The following CACNA1I variants were observed in gnomAD, a reference collection of about 807,000 sequenced individuals.
CACNA1I encodes calcium voltage-gated channel subunit alpha1 I, also known as voltage-dependent T-type calcium channel subunit alpha-1I.
A neutral mutation model predicts 201.6 loss-of-function variants in CACNA1I; 74 were observed. The ratio of observed to expected loss-of-function variants is 0.37; its 90% CI spans 0.30 to 0.45. The LOEUF (loss-of-function observed/expected upper bound fraction) is 0.45, where lower values mean the gene tolerates loss of function less well. CACNA1I is among the 20% of genes least tolerant of loss of function. The pLI is 1.00. For synonymous variants in CACNA1I, 1,431 were observed against 1,345.2 expected (o/e 1.06, Z -1.40); for missense variants, 2,346 against 3,138.1 (o/e 0.75, Z 6.03).
chr22:39,678,783 AG>A (rs1185725531), intron 31 of CACNA1I, among the ~76,000 whole-genome samples: 1 of 152,158 alleles, frequency 6.6e-6, no homozygotes, highest in Non-Finnish European at 1.5e-5. Flanking sequence ...CCTACTCCCC[AG>A]GGGCCCCTGA....
chr22:39,647,365 G>A (rs1934522803), intron 8 of CACNA1I, among the ~76,000 whole-genome samples: 1 of 152,202 alleles, frequency 6.6e-6, no homozygotes, highest in Admixed American at 6.5e-5. Context: ...GTGGCATGTT[G>A]GGGACTCATG....
At chr22:39,663,891 C>A in intron 19 of CACNA1I, 50 bp downstream of exon 19, 1 of 1,608,136 alleles carries the variant, frequency 6.2e-7, no homozygotes, top group South Asian at 1.1e-5. Flanking sequence ...CAAGGGACAG[C>A]TCGCCAGGGC....
chr22:39,644,088 G>C (rs1004424223), intron 7 of CACNA1I, among the ~76,000 whole-genome samples: 3 of 152,208 alleles, frequency 2.0e-5, no homozygotes, highest in African/African-American at 7.2e-5. Context: ...TGCCAGAATT[G>C]AGCCTTAAAG....
chr22:39,587,991 G>A (rs12170124), intron 1 of CACNA1I, among the ~76,000 whole-genome samples: 3,056 of 152,204 alleles, frequency 0.02, 101 homozygotes, highest in African/African-American at 0.068. Context: ...GGCCAGGCTG[G>A]TCTTGAATTC....
At position 39,682,529 on chromosome 22, in the gene CACNA1I, G is replaced by A; in HGVS notation, c.5698G>A (p.Gly1900Arg). ...GGACCCACCTGAGCCCATGCGTGTG[G>A]GAGACCTGGGCGAATGCTTCTTCCC... ...ELDPPEPMRVGDLGECFFPLS... is the reference protein window; with the variant it reads ...ELDPPEPMRVRDLGECFFPLS... The change falls in exon 35 of 37, where the codon GGA becomes AGA. Residue 1900 changes from glycine to arginine, a missense_variant. By Grantham distance (125) the Gly-to-Arg change is moderately radical. Transcript: ENST00000402142. The A allele has an allele frequency of 6.2e-7, 1 of 1,613,770 alleles. No individual in the cohort carries two copies. The highest frequency in any genetic ancestry group is 8.5e-7 in the Non-Finnish European group (1 of 1,179,846).
chr22:39,591,518 A>G (rs1932821567), intron 1 of CACNA1I, among the ~76,000 whole-genome samples: 1 of 151,930 alleles, frequency 6.6e-6, no homozygotes, highest in Admixed American at 6.6e-5. Context: ...TGCAGGACAG[A>G]TATCTATCAC....
At position 39,682,517 on chromosome 22, in the gene CACNA1I, C is replaced by G. The variant is rs781225455; in HGVS notation, c.5686C>G (p.Pro1896Ala). The G allele has an allele frequency of 6.2e-7, 1 of 1,613,682 alleles. No homozygotes were observed. Among genetic ancestry groups the G allele is most frequent in the Admixed American group, 1.7e-5 (1 of 60,014 alleles). ...DSKGELDPPE[P>A]MRVGDLGECF... is the part of the protein sequence containing the mutation. ...GCAGGGTGAGCTGGACCCACCTGAG[C>G]CCATGCGTGTGGGAGACCTGGGCGA... The change falls in exon 35 of 37, where the codon CCC (proline) becomes GCC (alanine). Residue 1896 changes from proline to alanine, a missense_variant. Physicochemically the swap from Pro to Ala is conservative, Grantham distance 27. Coordinates refer to ENST00000402142, the MANE Select transcript of CACNA1I (RefSeq NM_021096.4).
In CACNA1I at chr22:39,685,150, G is replaced by C. The variant is rs1223920208; in HGVS notation, c.6028-611G>C. On this transcript the variant is annotated intron_variant, in intron 36 of 36. Transcript: ENST00000402142. This position sits in a 1 kb window ranked among gnomAD's most constrained non-coding sequence, Gnocchi z 5.0. ...AGGACACAAACTCCCTGCCTGCCGG[G>C]CTCACTGTTTAGTGCTGAGAGTGAG... 2 of 164,004 alleles carry C rather than the reference G, an allele frequency of 1.2e-5. No homozygotes were observed. Among genetic ancestry groups the C allele is most frequent in the African/African-American group, 2.4e-5 (1 of 41,610 alleles). The allele number at this position is 164,004 out of a possible 1,614,324, so 10.2% of individuals were successfully genotyped here. A position where few individuals can be genotyped will look rare whatever the true frequency, so the allele number is the denominator to read the frequency against.
intron 4 of CACNA1I, among the ~76,000 whole-genome samples, chr22:39,631,984 G>A (rs56208544): frequency 6.6e-6 from 1 of 152,080 alleles, no homozygotes. Context: ...GGGCTGTGAA[G>A]TGCGCTGGGG....
At chr22:39,634,038 C>T (rs1934138328) in intron 4 of CACNA1I, among the ~76,000 whole-genome samples, 1 of 152,204 alleles carries the variant, frequency 6.6e-6, no homozygotes, top group Non-Finnish European at 1.5e-5. Context: ...GCTGGGCATA[C>T]TAAGGTGAAC....
At chr22:39,591,311 G>A (rs1028705921) in intron 1 of CACNA1I, among the ~76,000 whole-genome samples, 16 of 151,520 alleles carry the variant, frequency 1.1e-4, no homozygotes, top group African/African-American at 2.9e-4. Context: ...ACAGATGCCC[G>A]CCACCACGCC....
chr22:39,662,654 C>A, intron 17 of CACNA1I, 122 bp from the exon 18 acceptor site: 1 of 764,228 alleles, frequency 1.3e-6, no homozygotes, highest in South Asian at 1.7e-5. Context: ...TCCCTGGCTG[C>A]CCCCGGGGGG....
Position 39,670,045 on chromosome 22 carries a change from C to T in CACNA1I, c.4202C>T (p.Thr1401Ile), listed in dbSNP as rs184920747. The stretch of plus-strand genomic sequence containing the variant: ...TTTCTGACTCCCCTGCAGCCTGTGA[C>T]CAACCACAACCCCTGGATGCTGCTG... ...DAVAVDQQPV[T>I]NHNPWMLLYF... is the part of the protein sequence containing the mutation. The change falls in exon 25 of 37, where the codon ACC (threonine) becomes ATC (isoleucine). Residue 1401 changes from threonine (T) to isoleucine (I), a missense_variant. Coordinates refer to ENST00000402142, the MANE Select transcript of CACNA1I (RefSeq NM_021096.4). 1 of 1,612,268 alleles carries T rather than the reference C, an allele frequency of 6.2e-7. No homozygotes were observed. Among genetic ancestry groups the T allele is most frequent in the Non-Finnish European group, 8.5e-7 (1 of 1,179,856 alleles).
Position 39,679,091 on chromosome 22 carries a change from C to A in CACNA1I, c.5056-16C>A. ...ATGTCTCCGTCCTCATCCTCACCGC[C>A]CTCCCTGCCACGCAGGACACGCTGC... is the stretch of plus-strand genomic sequence containing the variant. On this transcript the variant is annotated splice_polypyrimidine_tract_variant and intron_variant, in intron 31 of 36. Coordinates refer to ENST00000402142, the MANE Select transcript of CACNA1I (RefSeq NM_021096.4). The A allele has an allele frequency of 6.4e-7, 1 of 1,564,294 alleles. No individual in the cohort carries two copies. The highest frequency in any genetic ancestry group is 1.2e-5 in the South Asian group (1 of 83,500).
At position 39,686,069 on chromosome 22, in the gene CACNA1I, T is replaced by G; in HGVS notation, c.6336T>G (p.Gly2112=). 8.1e-7 allele frequency: 1 copy of G among 1,227,044 alleles called. No homozygotes were observed. The highest frequency in any genetic ancestry group is 1.6e-5 in the African/African-American group (1 of 63,114). 76.0% of individuals were successfully genotyped at this position (1,227,044 alleles called of 1,614,324 possible). ...ACCCCTCGGACGAGGAGGGCCGCGG[T>G]GGCGCGGGCGGCGGGGGCGCGGGCA... ...SMDPSDEEGR[G]GAGGGGAGSE... Residue 2112 remains glycine (G), a synonymous_variant, in exon 37 of 37, where the codon GGT becomes GGG. Transcript: ENST00000402142.
rs1469138558 is a variant in CACNA1I at position 39,659,407 on chromosome 22, A to G, written c.2331-26A>G. On this transcript the variant is annotated intron_variant, in intron 12 of 36. Coordinates refer to ENST00000402142, the MANE Select transcript of CACNA1I (RefSeq NM_021096.4). This position sits in a 1 kb window ranked among gnomAD's most constrained non-coding sequence, Gnocchi z 4.3. The stretch of plus-strand genomic sequence containing the variant: ...AGGCAGTTTGGTGCATGTGAGTCCG[A>G]TGAGCCTCTTCCATCCTTTCCCCAG... The G allele has an allele frequency of 6.9e-7, 1 of 1,447,012 alleles. No homozygotes were observed. Among genetic ancestry groups the G allele is most frequent in the Non-Finnish European group, 9.5e-7 (1 of 1,051,118 alleles). 89.6% of individuals were successfully genotyped at this position (1,447,012 alleles called of 1,614,324 possible).
chr22:39,623,226 C>T (rs928071879), intron 4 of CACNA1I, among the ~76,000 whole-genome samples: 6 of 148,596 alleles, frequency 4.0e-5, no homozygotes, highest in African/African-American at 1.0e-4. Context: ...CCAGAGAACA[C>T]GTGTGAGGAC....
At chr22:39,592,837 C>G (rs1344048728) in intron 1 of CACNA1I, among the ~76,000 whole-genome samples, 1 of 152,222 alleles carries the variant, frequency 6.6e-6, no homozygotes, top group African/African-American at 2.4e-5. Context: ...CAGAGTGGCT[C>G]AAGCCGGAGA....
At chr22:39,638,519 A>G (rs1329011043) in intron 5 of CACNA1I, among the ~76,000 whole-genome samples, 1 of 152,102 alleles carries the variant, frequency 6.6e-6, no homozygotes, top group Non-Finnish European at 1.5e-5. Context: ...CAACCATGAA[A>G]TGTTTGCCAT....
Sources: allele counts gnomAD v4.1 joint callset (sites outside exome capture counted in the v4.1 genomes callset), GRCh38; gene constraint gnomAD v4.1.1; non-coding constraint Gnocchi (gnomAD v3.1); transcripts MANE v1.5; gene names NCBI Gene and HGNC (gene_info 2026-07-23, HGNC 2026-07-21).